Variants in TNFSF8 observed in about 807,000 individuals in gnomAD.
TNFSF8 encodes TNF superfamily member 8.
In TNFSF8, 4 loss-of-function variants were observed where a neutral mutation model predicts 22.0. The ratio of observed to expected loss-of-function variants is 0.18; its 90% CI spans 0.09 to 0.42. TNFSF8 has a LOEUF of 0.42. Among genes scored for constraint, TNFSF8 ranks in the 10% least tolerant of loss-of-function variants. TNFSF8 has a pLI of 1.00. For missense variants in TNFSF8, 233 were observed against 281.8 expected, an observed-to-expected ratio of 0.83 and a Z score of 1.24; for synonymous variants, 106 against 112.5, an observed-to-expected ratio of 0.94 and a Z score of 0.37.
At position 114,895,442 on chromosome 9, in the gene TNFSF8, T is replaced by C. The variant is rs146777118; in HGVS notation, c.410-1278A>G. On this transcript the variant is annotated intron_variant, in intron 4 of 4. Coordinates refer to the TNFSF8 transcript ENST00000618336. ...GCAGGATGAAACCATCCTTTGAGAGTTGGCCTGACAGAGACCTTTGTTGAT... is the reference window on the plus strand; with the variant it reads ...GCAGGATGAAACCATCCTTTGAGAGCTGGCCTGACAGAGACCTTTGTTGAT... Among the ~76,000 whole-genome samples, 50 of 152,284 alleles carry C rather than the reference T, an allele frequency of 3.3e-4. No homozygotes were observed. In the East Asian group the frequency reaches 9.6e-3, roughly 29 times the overall value.
intron 2 of TNFSF8, 102 bp from the exon 3 acceptor site, chr9:114,906,001 C>G (rs1303847880): frequency 6.7e-6 from 5 of 748,226 alleles, no homozygotes; most frequent in Non-Finnish European, 1.1e-5. Flanking sequence ...AATTACCGTT[C>G]TGTTTTCCAT....
chr9:114,925,318 C>T (rs372676514), intron 1 of TNFSF8, among the ~76,000 whole-genome samples: 2 of 152,320 alleles, frequency 1.3e-5, no homozygotes, highest in South Asian at 4.1e-4. Context: ...ACAGCCTCCC[C>T]TTAATGGCCT....
chr9:114,927,117 TAATATTA>T (rs1828073419), intron 1 of TNFSF8, among the ~76,000 whole-genome samples: 4 of 134,596 alleles, frequency 3.0e-5, no homozygotes, highest in South Asian at 2.4e-4. Flanking sequence ...TAATATAAAG[TAATATTA>T]TTATATAAAA....
intron 2 of TNFSF8, among the ~76,000 whole-genome samples, chr9:114,914,087 CAG>C (rs1233968539): frequency 1.3e-5 from 2 of 152,118 alleles, no homozygotes; most frequent in African/African-American, 2.4e-5. Flanking sequence ...TGAATTTCTG[CAG>C]AGTTTATGAG....
chr9:114,904,369 A>T lies in TNFSF8; in HGVS notation c.311-44T>A. On this transcript the variant is annotated intron_variant, in intron 3 of 3. Coordinates refer to ENST00000223795, the MANE Select transcript of TNFSF8 (RefSeq NM_001244.4). ...AAAACAGAATTATTGAGAAGATTGTAGGTACGCATTGCAAAATTCTAAGTC... is the reference window on the plus strand; with the variant it reads ...AAAACAGAATTATTGAGAAGATTGTTGGTACGCATTGCAAAATTCTAAGTC... 4 of 1,539,124 alleles carry T rather than the reference A, an allele frequency of 2.6e-6. No individual in the cohort carries two copies. In the South Asian group the frequency reaches 5.1e-5, roughly 20 times the overall value.
rs932396150 is a variant in TNFSF8 at position 114,918,024 on chromosome 9, A to G, written c.238+72T>C. 2.7e-6 allele frequency: 4 copies of G among 1,459,264 alleles called. No individual in the cohort carries two copies. In the African/African-American group the frequency reaches 4.3e-5, roughly 16 times the overall value. 90.4% of individuals were successfully genotyped at this position (1,459,264 alleles called of 1,614,324 possible). On this transcript the variant is annotated intron_variant, in intron 2 of 3. Transcript: ENST00000223795. The stretch of plus-strand genomic sequence containing the variant: ...GTCATAGAGTTGTTTCTGGTTGATA[A>G]TCAGGTTTCACACTTTATGGCATTT...
At chr9:114,928,523 ATCTC>A (rs767053843) in intron 1 of TNFSF8, among the ~76,000 whole-genome samples, 4 of 151,048 alleles carry the variant, frequency 2.6e-5, no homozygotes, top group South Asian at 4.2e-4. Flanking sequence ...TTTTTCCACC[ATCTC>A]TCTCTCTCTC....
chr9:114,921,789 G>T (rs745355291), intron 1 of TNFSF8, among the ~76,000 whole-genome samples: 6 of 152,144 alleles, frequency 3.9e-5, no homozygotes, highest in Non-Finnish European at 8.8e-5. Context: ...ACTCTCCCAG[G>T]TTTTCATTCT....
exon 5 of TNFSF8, chr9:114,893,995 C>T (rs1013333572): frequency 4.4e-6 from 5 of 1,138,680 alleles, no homozygotes; most frequent in Middle Eastern, 2.5e-4. Context: ...GTGACTGGTA[C>T]CATCAAGTTC....
chr9:114,916,808 G>A (rs1827924706), intron 2 of TNFSF8, among the ~76,000 whole-genome samples: 1 of 152,172 alleles, frequency 6.6e-6, no homozygotes, highest in Non-Finnish European at 1.5e-5. Flanking sequence ...TTGCAACAGA[G>A]ACATAGTGAC....
chr9:114,918,352 G>C (rs1827945587), intron 1 of TNFSF8, among the ~76,000 whole-genome samples: 1 of 152,002 alleles, frequency 6.6e-6, no homozygotes, highest in Non-Finnish European at 1.5e-5. Flanking sequence ...GAGGATTACT[G>C]TCCCCGTTCC....
In TNFSF8 at chr9:114,905,840, C is replaced by G. The variant is rs201107686; in HGVS notation, c.298G>C (p.Ala100Pro). The G allele has an allele frequency of 6.2e-7, 1 of 1,611,980 alleles. No homozygotes were observed. Among genetic ancestry groups the G allele is most frequent in the Non-Finnish European group, 8.5e-7 (1 of 1,178,188 alleles). The change falls in exon 3 of 4, where the codon GCC becomes CCC. Residue 100 changes from alanine to proline, a missense_variant. Ala to Pro is a conservative substitution (Grantham distance 27). Coordinates refer to ENST00000223795, the MANE Select transcript of TNFSF8 (RefSeq NM_001244.4). The stretch of plus-strand genomic sequence containing the variant: ...CTTGGTTACTGACCTTGGAGGTAGG[C>G]CCATGACTTCTTGAATGGAGCCCTT... ...LKRAPFKKSW[A>P]YLQVAKHLNK...
In TNFSF8 at chr9:114,901,961, G is replaced by A. The variant is rs191156468; in HGVS notation, c.*1970C>T. 1.0e-6 allele frequency: 1 copy of A among 985,054 alleles called. No individual in the cohort carries two copies. Among genetic ancestry groups the A allele is most frequent in the East Asian group, 1.1e-4 (1 of 8,812 alleles). The allele number at this position is 985,054 out of a possible 1,614,324, so 61.0% of individuals were successfully genotyped here. On this transcript the variant is annotated 3_prime_UTR_variant, in exon 4 of 4. Coordinates refer to ENST00000223795, the MANE Select transcript of TNFSF8 (RefSeq NM_001244.4). Reference sequence around the variant, plus strand: ...TTAAATCTTTTCTAGCTTTCCTTCTGACAAACTTTGCTGGAGTCCTACTCC... The same window carrying A: ...TTAAATCTTTTCTAGCTTTCCTTCTAACAAACTTTGCTGGAGTCCTACTCC...
rs1481209108 is a variant in TNFSF8 at position 114,902,719 on chromosome 9, T to A, written c.*1212A>T. On this transcript the variant is annotated 3_prime_UTR_variant, in exon 4 of 4. Transcript: ENST00000223795. Reference sequence around the variant, plus strand: ...ATTTTGGTTGGAGAGCTTCCAAAATTGTGTCTGGAATCTCAGTTCCCAGGG... The same window carrying A: ...ATTTTGGTTGGAGAGCTTCCAAAATAGTGTCTGGAATCTCAGTTCCCAGGG... 1.0e-6 allele frequency: 1 copy of A among 985,262 alleles called. No homozygotes were observed. The highest frequency in any genetic ancestry group is 1.7e-5 in the African/African-American group (1 of 57,212). 61.0% of individuals were successfully genotyped at this position (985,262 alleles called of 1,614,324 possible).
At chr9:114,918,288 G>T in intron 1 of TNFSF8, 150 bp from the exon 2 acceptor site, 1 of 597,452 alleles carries the variant, frequency 1.7e-6, no homozygotes, top group Non-Finnish European at 2.8e-6. Context: ...CACTGATGTA[G>T]TTTCCAATGG....
In TNFSF8 at chr9:114,930,421, A is replaced by G. The variant is rs921061686; in HGVS notation, c.-118T>C. On this transcript the variant is annotated 5_prime_UTR_variant, in exon 1 of 4. Transcript: ENST00000223795. Reference sequence around the variant, plus strand: ...AATCCTGAATCATGTGACTTGGAAAAAAACCTTCACCTGCTGCCTGGTGGA... The same window carrying G: ...AATCCTGAATCATGTGACTTGGAAAGAAACCTTCACCTGCTGCCTGGTGGA... 50 of 865,290 alleles carry G rather than the reference A, an allele frequency of 5.8e-5. No individual in the cohort carries two copies. The highest frequency in any genetic ancestry group is 7.6e-5 in the Non-Finnish European group (48 of 629,384). 53.6% of individuals were successfully genotyped at this position (865,290 alleles called of 1,614,324 possible).
At chr9:114,921,100 C>A (rs969651691) in intron 1 of TNFSF8, among the ~76,000 whole-genome samples, 1 of 152,224 alleles carries the variant, frequency 6.6e-6, no homozygotes, top group Non-Finnish European at 1.5e-5. Flanking sequence ...AGGAAAGCCT[C>A]TTTTCTCTCT....
chr9:114,915,192 C>T (rs1007403912), intron 2 of TNFSF8, among the ~76,000 whole-genome samples: 17 of 152,284 alleles, frequency 1.1e-4, no homozygotes, highest in Middle Eastern at 3.4e-3. Flanking sequence ...GCTTCTGTGC[C>T]TGTTTAAGCT....
In TNFSF8 at chr9:114,901,445, AG is replaced by A. The variant is rs1168908852; in HGVS notation, c.*2485del. ...GATTAGAAACCACTCACAGTGCAAAAGTCAGGTACCTCTGCTCAGAGAACAG... is the reference window on the plus strand; with the variant it reads ...GATTAGAAACCACTCACAGTGCAAAATCAGGTACCTCTGCTCAGAGAACAG... On this transcript the variant is annotated 3_prime_UTR_variant, in exon 4 of 4. Transcript: ENST00000223795. 16 of 985,336 alleles carry A rather than the reference AG, an allele frequency of 1.6e-5. No homozygotes were observed. The African/African-American group carries it at 2.8e-4, about 17-fold the overall frequency. The allele number at this position is 985,336 out of a possible 1,614,324, so 61.0% of individuals were successfully genotyped here. A position where few individuals can be genotyped will look rare whatever the true frequency, so the allele number is the denominator to read the frequency against.
Sources: gnomAD v4.1 joint callset for allele counts (sites outside exome capture counted in the v4.1 genomes callset) on GRCh38, gnomAD v4.1.1 for gene constraint, MANE v1.5 for transcripts, NCBI Gene and HGNC (gene_info 2026-07-23, HGNC 2026-07-21) for gene names.